PALB2: variants seen among roughly 807,000 people sequenced by gnomAD.
PALB2 encodes the protein partner and localizer of BRCA2.
In PALB2, 82 loss-of-function variants were observed where a neutral mutation model predicts 107.4. The observed-to-expected ratio is 0.76, with a 90% confidence interval of 0.64 to 0.92. PALB2 has a LOEUF of 0.92. Ranked by LOEUF, PALB2 falls within the 40% of genes least tolerant of loss-of-function variation. The probability of loss-of-function intolerance (pLI) is 0.00; values close to 1 mark genes in which losing one functional copy is unlikely to be tolerated. For synonymous variants in PALB2, 489 were observed against 496.8 expected (o/e 0.98, Z 0.21); for missense variants, 1,374 against 1,379.9 (o/e 1.00, Z 0.07).
intron 7 of PALB2, among the ~76,000 whole-genome samples, 175 bp downstream of exon 7, chr16:23,626,061 G>A (rs1966841975): frequency 6.6e-6 from 1 of 152,094 alleles, no homozygotes; most frequent in Non-Finnish European, 1.5e-5. Context: ...GTATATGGGT[G>A]CTCACTATAC....
Position 23,630,019 on chromosome 16 carries a change from G to A in PALB2, c.2135C>T (p.Ala712Val), listed in dbSNP as rs141458731. Residue 712 changes from alanine (A) to valine (V), a missense_variant, in exon 5 of 13, where the codon GCG (alanine) becomes GTG (valine). Ala to Val is a moderately conservative substitution (Grantham distance 64, BLOSUM62 0). Transcript: ENST00000261584. ...ILLYTPLNTV[A>V]PDDNDRPTTD... ...GGTAGGCCTGTCATTATCATCAGGC[G>A]CAACCGTATTTAAAGGAGTATAAAG... 315 of 1,614,106 alleles carry A rather than the reference G, an allele frequency of 2.0e-4. 2 individuals are homozygous for A. In the Middle Eastern group the frequency reaches 5.6e-3, roughly 29 times the overall value.
In PALB2 at chr16:23,636,068, T is replaced by C; in HGVS notation, c.478A>G (p.Arg160Gly). 1 of 1,614,054 alleles carries C rather than the reference T, an allele frequency of 6.2e-7. No homozygotes were observed. The highest frequency in any genetic ancestry group is 1.3e-5 in the African/African-American group (1 of 75,024). Residue 160 changes from arginine (R) to glycine (G), a missense_variant, in exon 4 of 13, where the codon AGA becomes GGA. Arg to Gly is a moderately radical substitution (Grantham distance 125, BLOSUM62 -2). Coordinates refer to ENST00000261584, the MANE Select transcript of PALB2 (RefSeq NM_024675.4). ...QQKRTFISQE[R>G]DCVFGTDSLR... is the part of the protein sequence containing the mutation. ...GAATCAGTGCCAAAGACACAGTCTC[T>C]CTCCTGTGAAATAAATGTCCTCTTC...
rs115759702 is a variant in PALB2 at position 23,626,242 on chromosome 16, G to A, written c.2742C>T (p.Phe914=). The A allele has an allele frequency of 2.4e-4, 386 of 1,614,150 alleles. No individual in the cohort carries two copies. The African/African-American group carries it at 4.4e-3, about 18-fold the overall frequency. Residue 914 remains phenylalanine (F), a synonymous_variant, in exon 7 of 13, where the codon TTC becomes TTT. Transcript: ENST00000261584. ...WQWEKLYTWH[F]AEVPVLQIVP... Reference sequence around the variant, plus strand: ...GCTCGAGATTCCCACTTACCTCTGCGAAGTGCCAGGTATAAAGTTTTTCCC... The same window carrying A: ...GCTCGAGATTCCCACTTACCTCTGCAAAGTGCCAGGTATAAAGTTTTTCCC...
chr16:23,627,314 C>T (rs986066820), intron 6 of PALB2, among the ~76,000 whole-genome samples: 2 of 151,214 alleles, frequency 1.3e-5, no homozygotes, highest in Admixed American at 6.6e-5. Context: ...GGTGAAACCC[C>T]GTCTCTACTA....
At chr16:23,611,387 C>T (rs1162166684) in intron 11 of PALB2, among the ~76,000 whole-genome samples, 1 of 151,756 alleles carries the variant, frequency 6.6e-6, no homozygotes, top group Non-Finnish European at 1.5e-5. Flanking sequence ...CTCAGGTGAT[C>T]CACCTGCCTC....
At chr16:23,616,460 C>T (rs1427218332) in intron 10 of PALB2, among the ~76,000 whole-genome samples, 1 of 152,178 alleles carries the variant, frequency 6.6e-6, no homozygotes, top group East Asian at 1.9e-4. Flanking sequence ...GAGTTTCATA[C>T]ATGGTCTGTA....
Position 23,629,204 on chromosome 16 carries a change from C to A in PALB2, c.2586G>T (p.Lys862Asn). Residue 862 changes from lysine (K) to asparagine (N), a missense_variant and splice_region_variant, in exon 6 of 13, where the codon AAG becomes AAT. Physicochemically the swap from Lys to Asn is moderately conservative, Grantham distance 94. Coordinates refer to ENST00000261584, the MANE Select transcript of PALB2 (RefSeq NM_024675.4). ...CACTGGAAGAGAATATTCTTCTGAC[C>A]TTTAACTCTGAAACCAATTGTAGGT... is the stretch of plus-strand genomic sequence containing the variant. ...PGNLQLVSELKNPSGSCSVDV... is the reference protein window; with the variant it reads ...PGNLQLVSELNNPSGSCSVDV... 1 of 1,609,888 alleles carries A rather than the reference C, an allele frequency of 6.2e-7. No homozygotes were observed. The highest frequency in any genetic ancestry group is 2.2e-5 in the East Asian group (1 of 44,868).
chr16:23,620,819 T>G (rs1966759320), intron 10 of PALB2, among the ~76,000 whole-genome samples: 2 of 152,196 alleles, frequency 1.3e-5, no homozygotes, highest in African/African-American at 2.4e-5. Context: ...ATGCCTGTAA[T>G]CCCAGCAATT....
At chr16:23,637,597 C>T (rs1053958870) in intron 3 of PALB2, among the ~76,000 whole-genome samples, 3 of 152,052 alleles carry the variant, frequency 2.0e-5, no homozygotes, top group Non-Finnish European at 4.4e-5. Flanking sequence ...CCCAGCTACT[C>T]AGGAGGCTGA....
intron 12 of PALB2, among the ~76,000 whole-genome samples, chr16:23,606,161 C>T (rs942164733): frequency 3.3e-5 from 5 of 152,034 alleles, no homozygotes; most frequent in African/African-American, 1.2e-4. Context: ...CAACGACTAT[C>T]GTTCTCTCTT....
At chr16:23,637,237 G>A (rs1323122686) in intron 3 of PALB2, among the ~76,000 whole-genome samples, 1 of 152,020 alleles carries the variant, frequency 6.6e-6, no homozygotes. Flanking sequence ...GACAGAGTGA[G>A]ACTCTGTCTC....
rs2140961173 is a variant in PALB2, at chr16:23,641,229, C to G, written c.-72G>C. The G allele has an allele frequency of 6.3e-7, 1 of 1,574,938 alleles. No individual in the cohort carries two copies. Among genetic ancestry groups the G allele is most frequent in the South Asian group, 1.1e-5 (1 of 87,418 alleles). On this transcript the variant is annotated 5_prime_UTR_variant, in exon 1 of 13. Transcript: ENST00000261584. ...CTGCCGACACCGGGACCCAGTTGGC[C>G]CTGGGCCGGGGAGGCGCCCCAGGAA...
chr16:23,627,348 G>A (rs968735686), intron 6 of PALB2, among the ~76,000 whole-genome samples: 3 of 151,640 alleles, frequency 2.0e-5, no homozygotes, highest in Admixed American at 1.3e-4. Context: ...TTAGCTGGGC[G>A]CGGTGGCGGG....
chr16:23,625,361 A>AT (rs1567214963), intron 7 of PALB2, among the ~76,000 whole-genome samples: 5 of 151,460 alleles, frequency 3.3e-5, no homozygotes. Flanking sequence ...CAAAAAACCC[A>AT]TATCTAGATA....
chr16:23,629,322 G>A (rs1477846533), intron 5 of PALB2, 47 bp from the exon 6 acceptor site: 1 of 1,501,026 alleles, frequency 6.7e-7, no homozygotes, highest in East Asian at 2.3e-5. Flanking sequence ...TATGTATAAT[G>A]TCTGCCTGCA....
At chr16:23,608,803 C>T (rs200651521) in intron 11 of PALB2, among the ~76,000 whole-genome samples, 259 of 122,998 alleles carry the variant, frequency 2.1e-3, no homozygotes, top group Middle Eastern at 4.1e-3. Flanking sequence ...TATATATATA[C>T]ACACACACAC....
chr16:23,625,044 C>T (rs540033155), intron 7 of PALB2, among the ~76,000 whole-genome samples: 2 of 152,086 alleles, frequency 1.3e-5, no homozygotes, highest in East Asian at 1.9e-4. Context: ...TGTAAAAACC[C>T]GTCTCTAGGC....
chr16:23,607,059 T>TC (rs769264342), intron 12 of PALB2, among the ~76,000 whole-genome samples: 3 of 152,044 alleles, frequency 2.0e-5, no homozygotes, highest in African/African-American at 7.2e-5. Context: ...TGCACCTGCC[T>TC]CAGCCTCCCA....
At chr16:23,614,800 G>A (rs1386214452) in intron 10 of PALB2, among the ~76,000 whole-genome samples, 3 of 150,384 alleles carry the variant, frequency 2.0e-5, no homozygotes, top group East Asian at 2.0e-4. Flanking sequence ...ACAGGCGCCC[G>A]CCACTACGCC....
Sources: allele counts gnomAD v4.1 joint callset (sites outside exome capture counted in the v4.1 genomes callset), GRCh38; gene constraint gnomAD v4.1.1; transcripts MANE v1.5; gene names NCBI Gene and HGNC (gene_info 2026-07-23, HGNC 2026-07-21).